Variants in GNG2 observed in about 807,000 individuals in gnomAD.
GNG2 encodes the protein guanine nucleotide-binding protein G(I)/G(S)/G(O) subunit gamma-2.
In GNG2, 5 loss-of-function variants were observed where a neutral mutation model predicts 5.5. That is an observed-to-expected ratio of 0.91 (90% confidence interval 0.48 to 1.92). The LOEUF (loss-of-function observed/expected upper bound fraction) is 1.92. Ranked by LOEUF, GNG2 falls within the 30% of genes most tolerant of loss-of-function variation. The probability of loss-of-function intolerance (pLI) is 0.01; values close to 1 mark genes in which losing one functional copy is unlikely to be tolerated. For synonymous variants in GNG2, 28 were observed against 32.0 expected (o/e 0.88, Z 0.42); for missense variants, 55 against 88.4 (o/e 0.62, Z 1.52).
chr14:51,874,628 G>C (rs1400445858), intron 1 of GNG2, among the ~76,000 whole-genome samples: 1 of 151,868 alleles, frequency 6.6e-6, no homozygotes. Flanking sequence ...GCTACTACTT[G>C]GGAGGCTGAT....
chr14:51,904,821 T>G (rs1885805526), intron 2 of GNG2, among the ~76,000 whole-genome samples: 1 of 152,204 alleles, frequency 6.6e-6, no homozygotes. Flanking sequence ...CAGCTTCATT[T>G]CTTTAAAAAA....
intron 2 of GNG2, among the ~76,000 whole-genome samples, chr14:51,848,657 C>A (rs951120228): frequency 6.6e-6 from 1 of 152,178 alleles, no homozygotes; most frequent in Admixed American, 6.5e-5. Flanking sequence ...AGAAGGCACA[C>A]CATTTTTAGG....
At chr14:51,884,775 T>C (rs977778513) in intron 2 of GNG2, among the ~76,000 whole-genome samples, 2 of 152,178 alleles carry the variant, frequency 1.3e-5, no homozygotes, top group Non-Finnish European at 2.9e-5. Context: ...TTTCTTAGGT[T>C]GTTTAGGTAA....
intron 2 of GNG2, among the ~76,000 whole-genome samples, chr14:51,910,781 C>T (rs977118418): frequency 6.6e-6 from 1 of 152,216 alleles, no homozygotes; most frequent in Non-Finnish European, 1.5e-5. Context: ...AATTGAATTA[C>T]AAAGGAAAGG....
intron 3 of GNG2, among the ~76,000 whole-genome samples, chr14:51,951,456 A>G (rs530626450): frequency 3.3e-5 from 5 of 152,316 alleles, no homozygotes; most frequent in Non-Finnish European, 5.9e-5. Flanking sequence ...TGTCGTTATT[A>G]ATAGATAGCT....
intron 2 of GNG2, among the ~76,000 whole-genome samples, chr14:51,904,959 C>G (rs548717158): frequency 6.6e-6 from 1 of 152,336 alleles, no homozygotes; most frequent in African/African-American, 2.4e-5. Flanking sequence ...TAGGTTCTGA[C>G]AGATCTTGAC....
intron 2 of GNG2, among the ~76,000 whole-genome samples, chr14:51,905,232 A>G (rs1216627568): frequency 6.6e-6 from 1 of 152,214 alleles, no homozygotes; most frequent in Non-Finnish European, 1.5e-5. Flanking sequence ...AGAAAAGTCT[A>G]TTCTTGCTTC....
At chr14:51,875,856 T>C (rs1394308190) in intron 1 of GNG2, among the ~76,000 whole-genome samples, 1 of 151,566 alleles carries the variant, frequency 6.6e-6, no homozygotes, top group South Asian at 2.1e-4. Context: ...TTTAAGTTAC[T>C]TTTTAAAGTA....
intron 1 of GNG2, among the ~76,000 whole-genome samples, chr14:51,861,945 C>T (rs1340596872): frequency 6.6e-6 from 1 of 152,104 alleles, no homozygotes; most frequent in Non-Finnish European, 1.5e-5. Flanking sequence ...GAAAAAACTG[C>T]TTATAGTGGA....
intron 2 of GNG2, among the ~76,000 whole-genome samples, chr14:51,888,100 A>G (rs1018795683): frequency 2.6e-5 from 4 of 152,182 alleles, no homozygotes; most frequent in African/African-American, 9.7e-5. Context: ...CAACAAGATA[A>G]TGAACGTATT....
intron 1 of GNG2, among the ~76,000 whole-genome samples, chr14:51,867,183 G>A (rs1163079772): frequency 6.6e-6 from 1 of 152,074 alleles, no homozygotes; most frequent in Non-Finnish European, 1.5e-5. Flanking sequence ...CTCAAGATAC[G>A]AGTCTTTGGC....
chr14:51,916,440 T>C (rs1594911341), intron 2 of GNG2: 2 of 453,630 alleles, frequency 4.4e-6, no homozygotes, highest in Admixed American at 4.7e-5. Flanking sequence ...AGTTATTTCA[T>C]ATTTCGGTCT....
intron 2 of GNG2, among the ~76,000 whole-genome samples, chr14:51,919,004 T>A (rs1423544170): frequency 2.6e-5 from 4 of 152,154 alleles, no homozygotes; most frequent in African/African-American, 9.7e-5. Context: ...TTTGTATTTT[T>A]AGTAGAGATG....
intron 2 of GNG2, among the ~76,000 whole-genome samples, chr14:51,855,362 C>T (rs1163178579): frequency 6.6e-6 from 1 of 152,204 alleles, no homozygotes; most frequent in African/African-American, 2.4e-5. Context: ...ATTAGTTCTG[C>T]CCACCCACCC....
upstream of GNG2, among the ~76,000 whole-genome samples, chr14:51,860,220 CA>C (rs61492742): frequency 6.8e-6 from 1 of 146,576 alleles, no homozygotes; most frequent in Admixed American, 6.8e-5. Flanking sequence ...GATGTTGACC[CA>C]AAAAAAAACA....
chr14:51,859,564 C>A (rs1882326156), upstream of GNG2, among the ~76,000 whole-genome samples: 1 of 152,218 alleles, frequency 6.6e-6, no homozygotes, highest in Non-Finnish European at 1.5e-5. Context: ...TATACCATCT[C>A]ATTTAATCCT....
At chr14:51,877,706 C>T (rs983484827) in intron 2 of GNG2, 49 bp downstream of exon 2, 19 of 438,772 alleles carry the variant, frequency 4.3e-5, no homozygotes, top group Non-Finnish European at 7.3e-5. Context: ...TTAACCAGAA[C>T]TTAAAGAGGA....
chr14:51,862,431 T>G (rs1882562986), intron 1 of GNG2, among the ~76,000 whole-genome samples: 1 of 152,226 alleles, frequency 6.6e-6, no homozygotes, highest in Non-Finnish European at 1.5e-5. Context: ...AGACCTAGGA[T>G]AGATCTTCGA....
At chr14:51,853,392 G>C (rs570652824) in intron 2 of GNG2, among the ~76,000 whole-genome samples, 1 of 152,106 alleles carries the variant, frequency 6.6e-6, no homozygotes, top group Non-Finnish European at 1.5e-5. Context: ...GGTTCTGTTC[G>C]TGAAATTCTG....
Sources: allele counts gnomAD v4.1 joint callset (sites outside exome capture counted in the v4.1 genomes callset), GRCh38; gene constraint gnomAD v4.1.1; transcripts MANE v1.5; gene names NCBI Gene and HGNC (gene_info 2026-07-23, HGNC 2026-07-21).